The following UBA7 variants were observed in gnomAD, a reference collection of about 807,000 sequenced individuals.
UBA7 encodes ubiquitin like modifier activating enzyme 7.
UBA7 carries 88 observed loss-of-function variants against 113.0 expected under a neutral mutation model. The observed-to-expected ratio is 0.78, with a 90% CI of 0.66 to 0.93. The LOEUF (loss-of-function observed/expected upper bound fraction) is 0.93, where lower values mean the gene tolerates loss of function less well. Ranked by LOEUF, UBA7 falls within the 40% of genes least tolerant of loss-of-function variation. UBA7 has a pLI of 0.00. For synonymous variants in UBA7, 459 were observed against 513.0 expected, an observed-to-expected ratio of 0.89 and a Z score of 1.42; for missense variants, 1,092 against 1,266.4, an observed-to-expected ratio of 0.86 and a Z score of 2.09.
intron 21 of UBA7, among the ~76,000 whole-genome samples, chr3:49,806,672 CCCTT>C (rs1233357996): frequency 6.6e-6 from 1 of 152,070 alleles, no homozygotes. Flanking sequence ...CTCCTCCTGT[CCCTT>C]CCTTCCTTCC....
intron 8 of UBA7, 58 bp from the exon 9 acceptor site, chr3:49,811,513 A>C (rs1401535880): frequency 2.6e-6 from 4 of 1,544,350 alleles, no homozygotes; most frequent in Non-Finnish European, 2.6e-6. Context: ...TCCTGACTCA[A>C]ATCCTTCCAG....
intron 6 of UBA7, 90 bp downstream of exon 6, chr3:49,812,318 G>A (rs1041561238): frequency 1.9e-6 from 3 of 1,610,242 alleles, no homozygotes; most frequent in Admixed American, 3.3e-5. Flanking sequence ...AGAAGGTGGA[G>A]GGAGAAAAAC....
At chr3:49,811,510 T>C in intron 8 of UBA7, 55 bp from the exon 9 acceptor site, 1 of 1,545,414 alleles carries the variant, frequency 6.5e-7, no homozygotes. Flanking sequence ...TACTCCTGAC[T>C]CAAATCCTTC....
In UBA7 at chr3:49,810,394, C is replaced by T. The variant is rs767476320; in HGVS notation, c.1502G>A (p.Arg501Gln). The change falls in exon 13 of 24, where the codon CGG becomes CAG. Residue 501 changes from arginine (R) to glutamine (Q), a missense_variant. This residue lies in a region of UBA7 where 584 missense variants were observed against 714.5 expected (regional missense o/e 0.82). Transcript: ENST00000333486. The surrounding 1 kb of genome is among the most constrained non-coding windows in gnomAD (Gnocchi z 5.6). The part of the protein sequence containing the change: ...PKAEVAAAAA[R>Q]GLNPDLQVIP... The stretch of plus-strand genomic sequence containing the variant: ...CACCTGTAAGTCTGGGTTCAGGCCC[C>T]GGGCAGCTGCTGCAGCCACCTCTGC... 4.3e-5 allele frequency: 70 copies of T among 1,613,996 alleles called. No individual in the cohort carries two copies. In the Admixed American group the frequency reaches 6.8e-4, roughly 16 times the overall value.
chr3:49,812,580 C>T, intron 5 of UBA7, 37 bp from the exon 6 acceptor site: 1 of 1,614,088 alleles, frequency 6.2e-7, no homozygotes, highest in African/African-American at 1.3e-5. Context: ...GTTGCCTGGA[C>T]CTGCCTTCCA....
chr3:49,809,952 G>A, intron 14 of UBA7, 26 bp downstream of exon 14: 1 of 1,614,088 alleles, frequency 6.2e-7, no homozygotes, highest in Non-Finnish European at 8.5e-7. Flanking sequence ...GCTGGGTGGG[G>A]TGGGAGTCTC....
At position 49,805,314 on chromosome 3, in the gene UBA7, C is replaced by G. The variant is rs2081430132; in HGVS notation, c.3033G>C (p.Glu1011Asp). 6.2e-7 allele frequency: 1 copy of G among 1,613,716 alleles called. No homozygotes were observed. Among genetic ancestry groups the G allele is most frequent in the Admixed American group, 1.7e-5 (1 of 59,962 alleles). Reference protein sequence around the residue: ...EDTAFPPLHYEL With the variant: ...EDTAFPPLHYDL Reference sequence around the variant, plus strand: ...TGACAGGGTGGCTGCCTTGTCACAGCTCATAGTGCAGAGGTGGGAAGGCAG... The same window carrying G: ...TGACAGGGTGGCTGCCTTGTCACAGGTCATAGTGCAGAGGTGGGAAGGCAG... The change falls in exon 24 of 24, where the codon GAG becomes GAC. Residue 1011 changes from glutamate to aspartate, a missense_variant. Coordinates refer to ENST00000333486, the MANE Select transcript of UBA7 (RefSeq NM_003335.3).
chr3:49,810,283 G>A lies in UBA7; in HGVS notation c.1613C>T (p.Ala538Val). ...CTCACGGGCCTGGAAACTGTCCAGG[G>A]CAGCAGCCACACCATCCACACGGGA... ...FFSRVDGVAA[A>V]LDSFQARRYV... is the part of the protein sequence containing the mutation. The change falls in exon 13 of 24, where the codon GCC becomes GTC. Residue 538 changes from alanine to valine, a missense_variant. Transcript: ENST00000333486. This position sits in a 1 kb window ranked among gnomAD's most constrained non-coding sequence, Gnocchi z 5.6. The A allele has an allele frequency of 6.2e-7, 1 of 1,613,966 alleles. No homozygotes were observed. The highest frequency in any genetic ancestry group is 8.5e-7 in the Non-Finnish European group (1 of 1,180,016).
rs768279864 is a variant in UBA7, at chr3:49,812,407, C to T, written c.694+1G>A. The T allele has an allele frequency of 1.2e-5, 19 of 1,614,014 alleles. No homozygotes were observed. In the Admixed American group the frequency reaches 2.5e-4, roughly 21 times the overall value. On this transcript the variant is annotated splice_donor_variant, in intron 6 of 23. Coordinates refer to ENST00000333486, the MANE Select transcript of UBA7 (RefSeq NM_003335.3). LOFTEE classifies it high-confidence loss of function. ...CTGGAATTGGAATGGGATTGGCTTA[C>T]CCCGCACGTGGATAGACCGGGGATC...
rs780346278 is a variant in UBA7, at chr3:49,807,803, T to A, written c.2648A>T (p.His883Leu). Residue 883 changes from histidine (H) to leucine (L), a missense_variant, in exon 21 of 24, where the codon CAC (histidine) becomes CTC (leucine). Transcript: ENST00000333486. The surrounding 1 kb of genome is among the most constrained non-coding windows in gnomAD (Gnocchi z 4.0). ...SGPRPRSAFR[H>L]SYLHLAENYL... ...GTTTTCAGCCAGATGTAGGTAGCTG[T>A]GGCGAAAGGCACTACGAGGCCGTGG... The A allele has an allele frequency of 6.2e-7, 1 of 1,614,110 alleles. No homozygotes were observed. The highest frequency in any genetic ancestry group is 1.1e-5 in the South Asian group (1 of 91,074).
chr3:49,807,702 T>C lies in UBA7; in HGVS notation c.2715+34A>G, dbSNP rs766060330. The C allele has an allele frequency of 4.5e-6, 7 of 1,570,056 alleles. No homozygotes were observed. In the South Asian group the frequency reaches 8.4e-5, roughly 19 times the overall value. ...GGCAGGTGCAGGGGAAACCCAGGCC[T>C]AGTAGGGCTAAGGGTGGGGTATCAT... is the stretch of plus-strand genomic sequence containing the variant. On this transcript the variant is annotated intron_variant, in intron 21 of 23. Transcript: ENST00000333486. This position sits in a 1 kb window ranked among gnomAD's most constrained non-coding sequence, Gnocchi z 4.0.
In UBA7 at chr3:49,805,279, T is replaced by C. The variant is rs747903866; in HGVS notation, c.*29A>G. ...GCAGGGCTTGGGATCCGGGGCTCCA[T>C]TGAGCTAGGTGACAGGGTGGCTGCC... On this transcript the variant is annotated 3_prime_UTR_variant, in exon 24 of 24. Coordinates refer to ENST00000333486, the MANE Select transcript of UBA7 (RefSeq NM_003335.3). The C allele has an allele frequency of 5.0e-6, 8 of 1,606,150 alleles. No homozygotes were observed. The highest frequency in any genetic ancestry group is 4.0e-5 in the African/African-American group (3 of 74,878).
intron 21 of UBA7, chr3:49,806,426 G>A: frequency 1.8e-6 from 1 of 566,266 alleles, no homozygotes; most frequent in African/African-American, 1.9e-5. Context: ...GAGAGTGGGG[G>A]ATGAGGGGGT....
chr3:49,808,617 T>TC (rs1267796353), intron 18 of UBA7, 149 bp from the exon 19 acceptor site: 4 of 843,638 alleles, frequency 4.7e-6, no homozygotes, highest in Non-Finnish European at 7.2e-6. Context: ...TGCTACAATC[T>TC]CCCCTCTAGA....
rs2081470023 is a variant in UBA7 at position 49,807,314 on chromosome 3, C to A, written c.2715+422G>T. Reference sequence around the variant, plus strand: ...GCTGCAGACCCCACACCTCTAGTGGCAAGCCTATTACCTTTTAACTCAGCT... The same window carrying A: ...GCTGCAGACCCCACACCTCTAGTGGAAAGCCTATTACCTTTTAACTCAGCT... On this transcript the variant is annotated intron_variant, in intron 21 of 23. Coordinates refer to ENST00000333486, the MANE Select transcript of UBA7 (RefSeq NM_003335.3). The surrounding 1 kb of genome is among the most constrained non-coding windows in gnomAD (Gnocchi z 4.0). Among the ~76,000 whole-genome samples, 2 of 152,220 alleles carry A rather than the reference C, an allele frequency of 1.3e-5. No individual in the cohort carries two copies. Among genetic ancestry groups the A allele is most frequent in the South Asian group, 4.1e-4 (2 of 4,834 alleles).
chr3:49,805,797 A>C (rs1394325179), intron 23 of UBA7, 100 bp downstream of exon 23: 17 of 1,165,946 alleles, frequency 1.5e-5, no homozygotes, highest in Non-Finnish European at 2.1e-5. Flanking sequence ...GGAAGGTGTG[A>C]GGGGCCCAGA....
rs557965819 is a variant in UBA7 at position 49,813,285 on chromosome 3, C to T, written c.324G>A (p.Thr108=). 1.2e-5 allele frequency: 19 copies of T among 1,614,174 alleles called. No homozygotes were observed. Among genetic ancestry groups the T allele is most frequent in the South Asian group, 9.9e-5 (9 of 91,086 alleles). Residue 108 remains threonine (T), a synonymous_variant, in exon 3 of 24, where the codon ACG becomes ACA. Transcript: ENST00000333486. The stretch of plus-strand genomic sequence containing the variant: ...ACAGCAGGTCCTCAGTGATGTCACC[C>T]GTGTGCACGACGACCTGGACAGCTC... The part of the protein sequence containing the change: ...LNRAVQVVVH[T]GDITEDLLLD...
intron 1 of UBA7, 21 bp downstream of exon 1, chr3:49,813,711 A>C (rs1317238886): frequency 6.2e-7 from 1 of 1,613,102 alleles, no homozygotes; most frequent in Non-Finnish European, 8.5e-7. Context: ...CCCACTCTCC[A>C]CCCCCCACCT....
chr3:49,809,184 C>T (rs371016528), intron 17 of UBA7, 25 bp from the exon 18 acceptor site: 6 of 1,597,734 alleles, frequency 3.8e-6, no homozygotes, highest in Non-Finnish European at 5.1e-6. Flanking sequence ...AGAGCAGGAA[C>T]AGAGGCATGG....
Sources: allele counts gnomAD v4.1 joint callset (sites outside exome capture counted in the v4.1 genomes callset), GRCh38; gene constraint gnomAD v4.1.1; regional missense constraint gnomAD v4.1.1; non-coding constraint Gnocchi (gnomAD v3.1); transcripts MANE v1.5; gene names NCBI Gene and HGNC (gene_info 2026-07-23, HGNC 2026-07-21).